Variants in HTR4 observed in about 807,000 individuals in gnomAD.
The protein encoded by HTR4 is 5-hydroxytryptamine (serotonin) receptor 4, G protein-coupled.
In HTR4, 16 loss-of-function variants were observed where a neutral mutation model predicts 36.8. The ratio of observed to expected loss-of-function variants is 0.43; its 90% CI spans 0.29 to 0.66. The LOEUF (loss-of-function observed/expected upper bound fraction) is 0.66, where lower values mean the gene tolerates loss of function less well. Ranked by LOEUF, HTR4 falls within the 30% of genes least tolerant of loss-of-function variation. The pLI is 0.13. For synonymous variants in HTR4, 189 were observed against 185.1 expected, an observed-to-expected ratio of 1.02 and a Z score of -0.17; for missense variants, 438 against 490.9, an observed-to-expected ratio of 0.89 and a Z score of 1.02.
At chr5:148,486,278 TA>T (rs912973329) in intron 6 of HTR4, among the ~76,000 whole-genome samples, 4 of 151,398 alleles carry the variant, frequency 2.6e-5, no homozygotes, top group South Asian at 4.2e-4. Context: ...TCATGCATGA[TA>T]AAAAAAAATG....
intron 5 of HTR4, among the ~76,000 whole-genome samples, chr5:148,511,755 T>C (rs1290335004): frequency 2.0e-5 from 3 of 151,842 alleles, no homozygotes; most frequent in African/African-American, 2.4e-5. Flanking sequence ...CTGTATCAAT[T>C]TATATTTCCA....
intron 4 of HTR4, 151 bp from the exon 5 acceptor site, chr5:148,523,497 A>G (rs941947786): frequency 5.8e-6 from 3 of 519,460 alleles, no homozygotes; most frequent in Non-Finnish European, 3.2e-6. Flanking sequence ...TCGGAGGGGA[A>G]GCAGAGAATA....
At chr5:148,564,599 T>A (rs1344118259) in intron 2 of HTR4, among the ~76,000 whole-genome samples, 1 of 152,154 alleles carries the variant, frequency 6.6e-6, no homozygotes, top group Non-Finnish European at 1.5e-5. Context: ...GTTCTGTTAA[T>A]CCTGTCTCTA....
intron 2 of HTR4, among the ~76,000 whole-genome samples, chr5:148,587,200 G>A (rs930927469): frequency 2.6e-5 from 4 of 152,150 alleles, no homozygotes; most frequent in African/African-American, 9.7e-5. Flanking sequence ...AAATGACCCA[G>A]GGCTAATTTT....
At chr5:148,638,846 G>A (rs958715749) in intron 1 of HTR4, among the ~76,000 whole-genome samples, 2 of 152,056 alleles carry the variant, frequency 1.3e-5, no homozygotes, top group Admixed American at 6.5e-5. Context: ...CTTGAGCCCA[G>A]GAGTTTGAGA....
chr5:148,516,916 C>T (rs1248497985), intron 5 of HTR4, among the ~76,000 whole-genome samples: 1 of 152,094 alleles, frequency 6.6e-6, no homozygotes, highest in Admixed American at 6.6e-5. Flanking sequence ...CTTTCAATGG[C>T]AAAAACCACA....
intron 6 of HTR4, among the ~76,000 whole-genome samples, chr5:148,489,526 C>G (rs1756316338): frequency 6.6e-6 from 1 of 152,070 alleles, no homozygotes; most frequent in Admixed American, 6.6e-5. Context: ...TAAGATAGCC[C>G]AGAGACTGAG....
At chr5:148,607,601 T>C (rs960256473) in intron 2 of HTR4, among the ~76,000 whole-genome samples, 2 of 152,210 alleles carry the variant, frequency 1.3e-5, no homozygotes, top group African/African-American at 4.8e-5. Context: ...GGGCACCATG[T>C]GCCTCCAGAG....
intron 6 of HTR4, among the ~76,000 whole-genome samples, chr5:148,505,540 A>G (rs551830214): frequency 0.016 from 2,395 of 152,266 alleles, 34 homozygotes; most frequent in Middle Eastern, 0.048. Flanking sequence ...AGGCAGGAGA[A>G]AGAAATAAAG....
At chr5:148,518,070 ATCCACAAGTACAAC>A (rs1561591998) in intron 5 of HTR4, among the ~76,000 whole-genome samples, 2 of 152,084 alleles carry the variant, frequency 1.3e-5, no homozygotes, top group Non-Finnish European at 2.9e-5. Context: ...TCTCCAAGAT[ATCCACAAGTACAAC>A]TCCCCAACCT....
chr5:148,534,396 G>A (rs1035338236), intron 4 of HTR4, among the ~76,000 whole-genome samples: 2 of 152,208 alleles, frequency 1.3e-5, no homozygotes, highest in Non-Finnish European at 2.9e-5. Flanking sequence ...ATATGTTAAA[G>A]TAGCCAGACT....
chr5:148,611,265 G>T (rs1347863082), intron 2 of HTR4, among the ~76,000 whole-genome samples: 1 of 151,294 alleles, frequency 6.6e-6, no homozygotes, highest in Non-Finnish European at 1.5e-5. Context: ...AAATGTTAAG[G>T]GCAGCCAGAG....
At chr5:148,476,545 G>A (rs1013559215), downstream of HTR4, 44 of 1,404,796 alleles carry the variant, frequency 3.1e-5, no homozygotes, top group African/African-American at 4.4e-5. Context: ...TAATGGCAGA[G>A]CAGCACTGAG....
intron 2 of HTR4, among the ~76,000 whole-genome samples, chr5:148,607,279 G>A (rs746189455): frequency 1.3e-5 from 2 of 152,088 alleles, no homozygotes; most frequent in Non-Finnish European, 2.9e-5. Context: ...TACTGCTTAG[G>A]GGGGAAAAAT....
At chr5:148,474,211 C>T (rs1187827771), downstream of HTR4, among the ~76,000 whole-genome samples, 1 of 152,136 alleles carries the variant, frequency 6.6e-6, no homozygotes, top group Non-Finnish European at 1.5e-5. Context: ...TTACAGAACC[C>T]TGGCTTGGGT....
At chr5:148,541,880 T>C (rs1225791409) in intron 4 of HTR4, among the ~76,000 whole-genome samples, 1 of 152,098 alleles carries the variant, frequency 6.6e-6, no homozygotes. Context: ...CCACAGCCCC[T>C]GCAGATCCCG....
At chr5:148,559,669 G>C (rs776587743) in intron 2 of HTR4, among the ~76,000 whole-genome samples, 3 of 152,100 alleles carry the variant, frequency 2.0e-5, no homozygotes, top group Non-Finnish European at 4.4e-5. Context: ...AGCCCAGAAC[G>C]ATCAGGACTT....
chr5:148,541,588 T>C (rs1168491053), intron 4 of HTR4, among the ~76,000 whole-genome samples: 1 of 152,020 alleles, frequency 6.6e-6, no homozygotes, highest in African/African-American at 2.4e-5. Context: ...GTTATCTGAG[T>C]ATTGAAGAAA....
At chr5:148,574,394 T>G (rs189257880) in intron 2 of HTR4, among the ~76,000 whole-genome samples, 3,338 of 151,496 alleles carry the variant, frequency 0.022, 70 homozygotes, top group South Asian at 0.097. Context: ...TCGCGCGCTC[T>G]CTCTCTCTCT....
Sources: allele counts gnomAD v4.1 joint callset (sites outside exome capture counted in the v4.1 genomes callset), GRCh38; gene constraint gnomAD v4.1.1; transcripts MANE v1.5; gene names NCBI Gene and HGNC (gene_info 2026-07-23, HGNC 2026-07-21).